Variants in ZNF644 observed in about 807,000 individuals in gnomAD.
The protein encoded by ZNF644 is zinc finger protein 644.
ZNF644 carries 20 observed loss-of-function variants against 108.0 expected under a neutral mutation model. The observed-to-expected ratio is 0.19, with a 90% CI of 0.13 to 0.27. The LOEUF is 0.27. Ranked by LOEUF, ZNF644 falls within the 10% of genes least tolerant of loss-of-function variation. ZNF644 has a pLI of 1.00. For synonymous variants in ZNF644, 542 were observed against 539.1 expected (o/e 1.01, Z -0.08); for missense variants, 1,338 against 1,548.9 (o/e 0.86, Z 2.29).
At chr1:90,917,962 C>A (rs1289016937) in intron 5 of ZNF644, 90 bp downstream of exon 5, 4 of 1,103,432 alleles carry the variant, frequency 3.6e-6, no homozygotes, top group Admixed American at 3.6e-5. Flanking sequence ...ATGCACTCTG[C>A]CACAAATTAA....
Position 90,982,320 on chromosome 1 carries a change from T to C in ZNF644, c.34A>G (p.Thr12Ala), listed in dbSNP as rs765780967. 1 of 1,610,294 alleles carries C rather than the reference T, an allele frequency of 6.2e-7. No individual in the cohort carries two copies. Among genetic ancestry groups the C allele is most frequent in the East Asian group, 2.2e-5 (1 of 44,700 alleles). The change falls in exon 2 of 6, where the codon ACA becomes GCA. Residue 12 changes from threonine to alanine, a missense_variant. Around this residue, in one of 6 missense-constraint regions of ZNF644, gnomAD observed 464 missense variants for 457.9 expected, o/e 1.01. Transcript: ENST00000337393. ...RSFLQQDVNK[T>A]KSRLNVLNGL... The stretch of plus-strand genomic sequence containing the variant: ...CAGTCTTCTACTTACCTAGATTTTG[T>C]CTTATTAACATCTTGCTGCAAGAAC...
At chr1:90,941,754 T>C (rs993786569) in intron 2 of ZNF644, among the ~76,000 whole-genome samples, 1 of 152,174 alleles carries the variant, frequency 6.6e-6, no homozygotes, top group Non-Finnish European at 1.5e-5. Flanking sequence ...TAGAGAACAA[T>C]ATAAATTATC....
chr1:90,936,571 A>G (rs1478995103), intron 4 of ZNF644, among the ~76,000 whole-genome samples: 1 of 152,194 alleles, frequency 6.6e-6, no homozygotes, highest in Non-Finnish European at 1.5e-5. Flanking sequence ...CTTTACAGTA[A>G]TGTTAGTCGT....
intron 5 of ZNF644, among the ~76,000 whole-genome samples, chr1:90,917,647 G>A (rs549844780): frequency 1.1e-4 from 16 of 152,024 alleles, no homozygotes; most frequent in African/African-American, 3.1e-4. Context: ...ACAGGCACCC[G>A]CTACAAAGCC....
At chr1:90,958,803 G>T (rs569931442) in intron 2 of ZNF644, among the ~76,000 whole-genome samples, 11 of 152,224 alleles carry the variant, frequency 7.2e-5, no homozygotes, top group Admixed American at 3.3e-4. Context: ...TCTCACACCA[G>T]GTACAGAAAC....
At position 90,939,287 on chromosome 1, in the gene ZNF644, T is replaced by C. The variant is rs973909995; in HGVS notation, c.2067A>G (p.Lys689=). The C allele has an allele frequency of 2.5e-6, 4 of 1,613,934 alleles. No individual in the cohort carries two copies. Among genetic ancestry groups the C allele is most frequent in the Non-Finnish European group, 3.4e-6 (4 of 1,179,958 alleles). The change falls in exon 3 of 6, where the codon AAA becomes AAG. Residue 689 remains lysine (K), a synonymous_variant. Transcript: ENST00000337393. ...TGTTTACACCTGATTGGGCAATGCTTTTCCGAGCTTTCTGTATTCTGTGTG... is the reference window on the plus strand; with the variant it reads ...TGTTTACACCTGATTGGGCAATGCTCTTCCGAGCTTTCTGTATTCTGTGTG... The part of the protein sequence containing the change: ...KRPHRIQKAR[K]SIAQSGVNMC...
chr1:90,996,870 A>T (rs1196292228), intron 1 of ZNF644, among the ~76,000 whole-genome samples: 1 of 152,140 alleles, frequency 6.6e-6, no homozygotes, highest in Non-Finnish European at 1.5e-5. Flanking sequence ...ATTCCCAGAG[A>T]ACTGTCATTA....
chr1:90,970,053 A>T (rs1655303216), intron 2 of ZNF644, among the ~76,000 whole-genome samples: 1 of 152,228 alleles, frequency 6.6e-6, no homozygotes, highest in Non-Finnish European at 1.5e-5. Flanking sequence ...AAATGCTGAG[A>T]TGTGAGCAGA....
At chr1:90,972,014 G>A (rs1215521094) in intron 2 of ZNF644, among the ~76,000 whole-genome samples, 3 of 152,198 alleles carry the variant, frequency 2.0e-5, no homozygotes, top group African/African-American at 7.2e-5. Flanking sequence ...CAGCTACTCA[G>A]GAGGCTGAGG....
chr1:90,957,071 GA>G (rs1653825208), intron 2 of ZNF644, among the ~76,000 whole-genome samples: 1 of 152,024 alleles, frequency 6.6e-6, no homozygotes, highest in South Asian at 2.1e-4. Context: ...AAAATTCCTA[GA>G]AACACAGAAA....
Position 91,005,121 on chromosome 1 carries a change from C to G in ZNF644, c.-18+16869G>C, listed in dbSNP as rs1269750055. On this transcript the variant is annotated intron_variant, in intron 1 of 5. Transcript: ENST00000337393. ...TTGAGATTAAATAGATACAAATAAA[C>G]TGAAAGTAAAAGATAAAAAAAGTTA... Among the ~76,000 whole-genome samples the G allele has an allele frequency of 3.9e-5, 6 of 152,036 alleles. No individual in the cohort carries two copies. In the East Asian group the frequency reaches 1.2e-3, roughly 29 times the overall value.
chr1:90,992,305 T>TA (rs1657714795), intron 1 of ZNF644, among the ~76,000 whole-genome samples: 1 of 151,274 alleles, frequency 6.6e-6, no homozygotes, highest in African/African-American at 2.4e-5. Context: ...ATAAATCTGT[T>TA]AAAAATTCAC....
chr1:90,962,634 T>TGG (rs1654448086), intron 2 of ZNF644, among the ~76,000 whole-genome samples: 1 of 152,134 alleles, frequency 6.6e-6, no homozygotes, highest in Non-Finnish European at 1.5e-5. Context: ...AGTGACACCC[T>TGG]GGCTAGATGT....
chr1:90,992,205 C>A (rs755105846), intron 1 of ZNF644, among the ~76,000 whole-genome samples: 2 of 152,086 alleles, frequency 1.3e-5, no homozygotes, highest in Non-Finnish European at 2.9e-5. Context: ...TGTTGCTTAT[C>A]TTGAATGATT....
At chr1:90,922,818 A>T (rs1035036869) in intron 4 of ZNF644, among the ~76,000 whole-genome samples, 4 of 152,150 alleles carry the variant, frequency 2.6e-5, no homozygotes, top group South Asian at 2.1e-4. Context: ...GCCCCTACTT[A>T]TAAGTGAAAA....
chr1:91,019,268 G>A (rs1412180726), intron 1 of ZNF644, among the ~76,000 whole-genome samples: 1 of 152,092 alleles, frequency 6.6e-6, no homozygotes, highest in Non-Finnish European at 1.5e-5. Context: ...TGGCACATTC[G>A]TTTATCCAAC....
At chr1:91,016,103 T>C (rs570477646) in intron 1 of ZNF644, among the ~76,000 whole-genome samples, 2 of 152,330 alleles carry the variant, frequency 1.3e-5, no homozygotes, top group East Asian at 3.9e-4. Flanking sequence ...ATTGCAATTG[T>C]GATTCTATGT....
At position 90,928,446 on chromosome 1, in the gene ZNF644, T is replaced by C. The variant is rs373101079; in HGVS notation, c.3688+9039A>G. Among the ~76,000 whole-genome samples the C allele has an allele frequency of 3.8e-4, 57 of 151,332 alleles. 1 individual carries two copies. The South Asian group carries it at 0.01, about 27-fold the overall frequency. ...AATCCTCCTGCCTCAGCCTCCTGAA[T>C]AGCTGGGATTACAGGCGCATACCAC... On this transcript the variant is annotated intron_variant, in intron 4 of 5. Transcript: ENST00000337393.
intron 2 of ZNF644, among the ~76,000 whole-genome samples, chr1:90,958,587 T>C (rs1289542610): frequency 6.6e-6 from 1 of 151,854 alleles, no homozygotes; most frequent in Non-Finnish European, 1.5e-5. Context: ...TACAAAACTA[T>C]AGTAATCAAT....
Sources: gnomAD v4.1 joint callset for allele counts (sites outside exome capture counted in the v4.1 genomes callset) on GRCh38, gnomAD v4.1.1 for gene constraint, gnomAD v4.1.1 regional missense constraint, MANE v1.5 for transcripts, NCBI Gene and HGNC (gene_info 2026-07-23, HGNC 2026-07-21) for gene names.